Variants in PDE4D observed in about 807,000 individuals in gnomAD.
PDE4D encodes the protein phosphodiesterase 4D.
A neutral mutation model predicts 87.4 loss-of-function variants in PDE4D; 24 were observed. That is an observed-to-expected ratio of 0.27 (90% confidence interval 0.20 to 0.39). The LOEUF is 0.39. Ranked by LOEUF, PDE4D falls within the 10% of genes least tolerant of loss-of-function variation. The pLI is 1.00. For missense variants in PDE4D, 714 were observed against 1,041.0 expected, an observed-to-expected ratio of 0.69 and a Z score of 4.32; for synonymous variants, 384 against 383.2, an observed-to-expected ratio of 1.00 and a Z score of -0.02.
At chr5:59,572,171 T>A (rs977303536) in intron 1 of PDE4D, among the ~76,000 whole-genome samples, 8 of 152,102 alleles carry the variant, frequency 5.3e-5, no homozygotes, top group African/African-American at 1.9e-4. Context: ...CCTCAAAAAT[T>A]CAAGTCTCCT....
chr5:60,252,399 C>T (rs1011687623), intron 1 of PDE4D, among the ~76,000 whole-genome samples: 148 of 137,386 alleles, frequency 1.1e-3, no homozygotes, highest in African/African-American at 3.4e-3. Flanking sequence ...CACTTTTTTA[C>T]TTTTTTTTTT....
intron 1 of PDE4D, among the ~76,000 whole-genome samples, chr5:60,458,133 C>A (rs1052130587): frequency 2.0e-5 from 3 of 151,996 alleles, no homozygotes; most frequent in Admixed American, 2.0e-4. Context: ...ACCTGTAATC[C>A]CAGCACTTTG....
intron 1 of PDE4D, among the ~76,000 whole-genome samples, chr5:60,479,042 G>A (rs772612316): frequency 5.9e-5 from 9 of 152,086 alleles, no homozygotes; most frequent in Non-Finnish European, 1.3e-4. Context: ...TGAGGCTGGC[G>A]GTGGCAATGT....
intron 1 of PDE4D, among the ~76,000 whole-genome samples, chr5:60,221,862 T>C (rs929601653): frequency 3.9e-5 from 6 of 152,148 alleles, no homozygotes; most frequent in African/African-American, 1.2e-4. Flanking sequence ...ACATCCGGGC[T>C]GTTACCTAGT....
intron 1 of PDE4D, chr5:59,430,519 G>A (rs1795952825): frequency 1.1e-6 from 1 of 930,944 alleles, no homozygotes; most frequent in Non-Finnish European, 1.4e-6. Context: ...TCAGACATAT[G>A]CTGCTCACTG....
chr5:60,269,770 A>G (rs914153923), intron 1 of PDE4D, among the ~76,000 whole-genome samples: 7 of 152,230 alleles, frequency 4.6e-5, no homozygotes, highest in Non-Finnish European at 1.0e-4. Flanking sequence ...TGGTTTAATC[A>G]TTTCACAATG....
intron 2 of PDE4D, among the ~76,000 whole-genome samples, chr5:60,028,737 AT>A (rs1383140302): frequency 6.6e-5 from 10 of 151,866 alleles, no homozygotes; most frequent in Non-Finnish European, 1.5e-4. Context: ...ACTTCCTTGC[AT>A]TTTTTTCTCT....
At chr5:59,702,940 C>T in intron 1 of PDE4D, among the ~76,000 whole-genome samples, 1 of 149,792 alleles carries the variant, frequency 6.7e-6, no homozygotes, top group East Asian at 2.0e-4. Context: ...ATCCAAGTAT[C>T]ATAAGTGAAA....
chr5:59,937,623 T>G (rs1756743764), intron 3 of PDE4D, among the ~76,000 whole-genome samples: 1 of 152,196 alleles, frequency 6.6e-6, no homozygotes, highest in Non-Finnish European at 1.5e-5. Flanking sequence ...ACTCTTCCCC[T>G]TCTTATAAGG....
At chr5:59,195,011 C>T (rs1221275387) in intron 2 of PDE4D, among the ~76,000 whole-genome samples, 3 of 152,024 alleles carry the variant, frequency 2.0e-5, no homozygotes, top group Non-Finnish European at 4.4e-5. Flanking sequence ...AAAGTGAGCC[C>T]AGCCCCTCAT....
At chr5:60,169,310 G>T (rs142439918) in intron 2 of PDE4D, among the ~76,000 whole-genome samples, 309 of 152,150 alleles carry the variant, frequency 2.0e-3, no homozygotes, top group African/African-American at 7.1e-3. Flanking sequence ...TAAAGAAAAA[G>T]ATCAACTACA....
chr5:59,971,927 G>C (rs1347946310), intron 3 of PDE4D, among the ~76,000 whole-genome samples: 1 of 152,144 alleles, frequency 6.6e-6, no homozygotes, highest in Non-Finnish European at 1.5e-5. Flanking sequence ...AATAAACAGG[G>C]AGCTTGAAGA....
At chr5:60,271,431 A>T (rs111390522) in intron 1 of PDE4D, among the ~76,000 whole-genome samples, 113 of 152,292 alleles carry the variant, frequency 7.4e-4, no homozygotes, top group African/African-American at 2.6e-3. Flanking sequence ...TGTAACTGGA[A>T]ATTAAAGGAA....
intron 1 of PDE4D, among the ~76,000 whole-genome samples, chr5:60,213,835 G>C (rs952751633): frequency 5.9e-5 from 9 of 152,222 alleles, no homozygotes; most frequent in East Asian, 1.9e-4. Context: ...AGCCTTCTCA[G>C]ACTCGTCCAG....
chr5:59,554,902 TG>T (rs1301000106), intron 1 of PDE4D, among the ~76,000 whole-genome samples: 1 of 152,076 alleles, frequency 6.6e-6, no homozygotes, highest in African/African-American at 2.4e-5. Context: ...CCAAGGGGGT[TG>T]GGGGTGTAAG....
intron 1 of PDE4D, among the ~76,000 whole-genome samples, chr5:59,791,712 TA>T (rs1482798113): frequency 6.6e-6 from 1 of 152,094 alleles, no homozygotes; most frequent in Non-Finnish European, 1.5e-5. Context: ...CAATATGAAA[TA>T]AATTCCTGCT....
chr5:59,940,262 T>C (rs537576421), intron 3 of PDE4D, among the ~76,000 whole-genome samples: 35 of 152,306 alleles, frequency 2.3e-4, no homozygotes, highest in African/African-American at 7.7e-4. Flanking sequence ...ATGGTCTCCA[T>C]AGAAGAAGGG....
chr5:59,940,571 T>C (rs1160267715), intron 3 of PDE4D, among the ~76,000 whole-genome samples: 2 of 152,104 alleles, frequency 1.3e-5, no homozygotes, highest in Non-Finnish European at 2.9e-5. Flanking sequence ...TGAAAGTAGA[T>C]GTTTGATGGT....
At chr5:59,091,653 A>C (rs1768754439) in intron 5 of PDE4D, among the ~76,000 whole-genome samples, 1 of 152,112 alleles carries the variant, frequency 6.6e-6, no homozygotes, top group African/African-American at 2.4e-5. Context: ...AAGTAAAAGT[A>C]AAGTCAAGAT....
Sources: allele counts gnomAD v4.1 joint callset (sites outside exome capture counted in the v4.1 genomes callset), GRCh38; gene constraint gnomAD v4.1.1; transcripts MANE v1.5; gene names NCBI Gene and HGNC (gene_info 2026-07-23, HGNC 2026-07-21).